The following FBXW10 variants were observed in gnomAD, a reference collection of about 807,000 sequenced individuals.
FBXW10 encodes F-box and WD repeat domain containing 10.
In FBXW10, 68 loss-of-function variants were observed where a neutral mutation model predicts 113.1. The observed-to-expected ratio is 0.60, with a 90% CI of 0.49 to 0.74. The LOEUF is 0.74. FBXW10 is among the 30% of genes least tolerant of loss of function. The pLI, the probability that FBXW10 is intolerant of heterozygous loss-of-function variation, is 0.00. For synonymous variants in FBXW10, 289 were observed against 481.6 expected (o/e 0.60, Z 5.24); for missense variants, 753 against 1,284.5 (o/e 0.59, Z 6.32).
At chr17:18,761,069 T>C (rs2035372490) in intron 7 of FBXW10, among the ~76,000 whole-genome samples, 1 of 152,108 alleles carries the variant, frequency 6.6e-6, no homozygotes, top group Non-Finnish European at 1.5e-5. Flanking sequence ...CTTCCTGCAT[T>C]GATTTGAGGT....
chr17:18,766,338 T>C (rs558810541), intron 8 of FBXW10, among the ~76,000 whole-genome samples: 183 of 151,962 alleles, frequency 1.2e-3, no homozygotes, highest in African/African-American at 4.3e-3. Context: ...TACCTGCCCC[T>C]ACTCAAGCTG....
At chr17:18,768,852 C>T (rs2151823931) in intron 10 of FBXW10, among the ~76,000 whole-genome samples, 176 bp downstream of exon 10, 1 of 151,980 alleles carries the variant, frequency 6.6e-6, no homozygotes, top group African/African-American at 2.4e-5. Flanking sequence ...ACCATCTTCT[C>T]TGTCTGACTG....
chr17:18,762,148 GA>G (rs2035397862), intron 7 of FBXW10, among the ~76,000 whole-genome samples: 1 of 145,834 alleles, frequency 6.9e-6, no homozygotes, highest in Admixed American at 6.9e-5. Context: ...ATTTTTAGTA[GA>G]GACGGGGTTT....
At chr17:18,759,983 C>T (rs2035349699) in intron 7 of FBXW10, among the ~76,000 whole-genome samples, 1 of 152,104 alleles carries the variant, frequency 6.6e-6, no homozygotes, top group African/African-American at 2.4e-5. Flanking sequence ...TCCCCTGGTG[C>T]CCATGTGCAC....
Position 18,778,918 on chromosome 17 carries a change from C to G in FBXW10, c.2779C>G (p.Gln927Glu). The change falls in exon 14 of 14, where the codon CAA becomes GAA. Residue 927 changes from glutamine to glutamate, a missense_variant. Physicochemically the swap from Gln to Glu is conservative, Grantham distance 29. Coordinates refer to ENST00000395665, the MANE Select transcript of FBXW10 (RefSeq NM_001267585.2). ...RFSGSLKGGD[Q>E]VTSSIERAVC... ...CTCTGGCAGCTTAAAGGGTGGAGAC[C>G]AAGTGACCAGTTCAATTGAAAGGGC... The G allele has an allele frequency of 6.2e-7, 1 of 1,613,472 alleles. No homozygotes were observed. The highest frequency in any genetic ancestry group is 8.5e-7 in the Non-Finnish European group (1 of 1,179,784).
At chr17:18,771,467 C>T (rs1366566992) in intron 11 of FBXW10, among the ~76,000 whole-genome samples, 8 of 152,078 alleles carry the variant, frequency 5.3e-5, no homozygotes, top group Non-Finnish European at 8.8e-5. Flanking sequence ...GGGCAAGTTC[C>T]GGAGCTCTTT....
chr17:18,762,087 C>T (rs540103684), intron 7 of FBXW10, among the ~76,000 whole-genome samples: 23 of 151,996 alleles, frequency 1.5e-4, no homozygotes, highest in East Asian at 5.8e-4. Flanking sequence ...CTCAGCCTCC[C>T]GAGTAGCTGG....
intron 8 of FBXW10, 133 bp from the exon 9 acceptor site, chr17:18,766,581 G>C (rs546058863): frequency 2.1e-5 from 25 of 1,211,594 alleles, no homozygotes; most frequent in Non-Finnish European, 2.9e-5. Flanking sequence ...GCCACGGGAA[G>C]TCCTTCTAGA....
Position 18,778,951 on chromosome 17 carries a change from A to G in FBXW10, c.2812A>G (p.Ser938Gly). Residue 938 changes from serine (S) to glycine (G), a missense_variant, in exon 14 of 14, where the codon AGT becomes GGT. Coordinates refer to ENST00000395665, the MANE Select transcript of FBXW10 (RefSeq NM_001267585.2). The stretch of plus-strand genomic sequence containing the variant: ...CAGTTCAATTGAAAGGGCTGTGTGC[A>G]GTACGGGTCCCCTGACCAGTATGCA... ...VTSSIERAVC[S>G]TGPLTSMQVI... 1.2e-6 allele frequency: 2 copies of G among 1,610,014 alleles called. No homozygotes were observed.
At chr17:18,747,165 A>T (rs763278932) in intron 1 of FBXW10, among the ~76,000 whole-genome samples, 2 of 151,928 alleles carry the variant, frequency 1.3e-5, no homozygotes, top group Non-Finnish European at 2.9e-5. Context: ...TGACCTTGTG[A>T]TCCGCCTGCC....
chr17:18,755,198 G>A (rs2035235299), intron 5 of FBXW10, among the ~76,000 whole-genome samples: 1 of 151,838 alleles, frequency 6.6e-6, no homozygotes, highest in Non-Finnish European at 1.5e-5. Flanking sequence ...GGGAGGCGGA[G>A]GTTGCAGTGA....
At position 18,772,472 on chromosome 17, in the gene FBXW10, G is replaced by A. The variant is rs369517876; in HGVS notation, c.2067G>A (p.Gln689=). The change falls in exon 12 of 14, where the codon CAG becomes CAA. Residue 689 remains glutamine (Q), a synonymous_variant. Transcript: ENST00000395665. Reference sequence around the variant, plus strand: ...TCCAGTTTGAGCACATAAAGTGGCAGTATGCCGTGGAAAAAACGAAACAAA... The same window carrying A: ...TCCAGTTTGAGCACATAAAGTGGCAATATGCCGTGGAAAAAACGAAACAAA... ...LMFQFEHIKW[Q]YAVEKTKQKK... 2.5e-5 allele frequency: 41 copies of A among 1,613,816 alleles called. No individual in the cohort carries two copies. The highest frequency in any genetic ancestry group is 3.5e-5 in the Non-Finnish European group (41 of 1,179,806).
At chr17:18,755,855 A>G (rs1222835983) in intron 5 of FBXW10, among the ~76,000 whole-genome samples, 190 bp from the exon 6 acceptor site, 1 of 152,058 alleles carries the variant, frequency 6.6e-6, no homozygotes, top group Non-Finnish European at 1.5e-5. Flanking sequence ...CCTTGACCCA[A>G]CATTTTCTAA....
chr17:18,744,144 G>A lies in FBXW10; in HGVS notation c.-101G>A. On this transcript the variant is annotated 5_prime_UTR_variant, in exon 1 of 14. Coordinates refer to ENST00000395665, the MANE Select transcript of FBXW10 (RefSeq NM_001267585.2). The stretch of plus-strand genomic sequence containing the variant: ...CTGGGAGACGTTTGTAATAGAAAAG[G>A]CACAACTGGGGTATTTATTCATTCC... The A allele has an allele frequency of 6.6e-7, 1 of 1,518,496 alleles. No individual in the cohort carries two copies. Among genetic ancestry groups the A allele is most frequent in the African/African-American group, 1.4e-5 (1 of 71,778 alleles). 94.1% of individuals were successfully genotyped at this position (1,518,496 alleles called of 1,614,324 possible).
chr17:18,766,302 T>C (rs866872343), intron 8 of FBXW10, among the ~76,000 whole-genome samples: 3 of 136,254 alleles, frequency 2.2e-5, no homozygotes, highest in African/African-American at 5.8e-5. Context: ...ATGTATGCCA[T>C]GATTTTCTTT....
intron 1 of FBXW10, among the ~76,000 whole-genome samples, chr17:18,747,486 G>A (rs7217866): frequency 6.6e-6 from 1 of 151,808 alleles, no homozygotes; most frequent in Non-Finnish European, 1.5e-5. Context: ...AACCCAGGAG[G>A]CGGAGGTTGC....
Position 18,750,081 on chromosome 17 carries a change from G to T in FBXW10, c.943G>T (p.Val315Phe), listed in dbSNP as rs372345142. The T allele has an allele frequency of 2.0e-5, 32 of 1,613,126 alleles. No individual in the cohort carries two copies. Among genetic ancestry groups the T allele is most frequent in the Non-Finnish European group, 2.2e-5 (26 of 1,179,754 alleles). ...GCACTGGGCCGCCATGGCTCAACAGGTCAAGATGGACTTGTCAGCGCACGG... is the reference window on the plus strand; with the variant it reads ...GCACTGGGCCGCCATGGCTCAACAGTTCAAGATGGACTTGTCAGCGCACGG... The part of the protein sequence containing the change: ...SQHWAAMAQQ[V>F]KMDLSAHGFI... The change falls in exon 4 of 14, where the codon GTC becomes TTC. Residue 315 changes from valine (V) to phenylalanine (F), a missense_variant. Physicochemically the swap from Val to Phe is conservative, Grantham distance 50 (BLOSUM62 -1). Transcript: ENST00000395665.
intron 5 of FBXW10, among the ~76,000 whole-genome samples, chr17:18,755,765 G>A (rs961916754): frequency 6.6e-6 from 1 of 152,018 alleles, no homozygotes; most frequent in Non-Finnish European, 1.5e-5. Context: ...TGTGTTATTG[G>A]TGACATTTGG....
chr17:18,773,472 C>T (rs1332070867), intron 12 of FBXW10, among the ~76,000 whole-genome samples: 1 of 152,076 alleles, frequency 6.6e-6, no homozygotes, highest in Non-Finnish European at 1.5e-5. Context: ...GAAAATCTTA[C>T]GTATAAAGCA....
Sources: gnomAD v4.1 joint callset for allele counts (sites outside exome capture counted in the v4.1 genomes callset) on GRCh38, gnomAD v4.1.1 for gene constraint, MANE v1.5 for transcripts, NCBI Gene and HGNC (gene_info 2026-07-23, HGNC 2026-07-21) for gene names.